Variants in MINAR1 observed in about 807,000 individuals in gnomAD.
The protein encoded by MINAR1 is membrane integral NOTCH2 associated receptor 1, also known as major intrinsically disordered Notch2-binding receptor 1.
MINAR1 carries 40 observed loss-of-function variants against 65.1 expected under a neutral mutation model. The ratio of observed to expected loss-of-function variants is 0.61; its 90% CI spans 0.48 to 0.80. The LOEUF (loss-of-function observed/expected upper bound fraction) is 0.80, where lower values mean the gene tolerates loss of function less well. Ranked by LOEUF, MINAR1 falls within the 30% of genes least tolerant of loss-of-function variation. MINAR1 has a pLI of 0.00. For synonymous variants in MINAR1, 482 were observed against 449.1 expected (o/e 1.07, Z -0.93); for missense variants, 1,128 against 1,148.0 (o/e 0.98, Z 0.25).
chr15:79,433,754 T>A (rs943463164), intron 1 of MINAR1, among the ~76,000 whole-genome samples: 7 of 152,306 alleles, frequency 4.6e-5, no homozygotes, highest in Admixed American at 4.6e-4. Flanking sequence ...CCCTTCCTTG[T>A]CATTTCTCAG....
chr15:79,419,289 A>G, the MINAR1 span: 1 of 152,238 alleles, frequency 6.6e-6, no homozygotes, highest in Non-Finnish European at 1.5e-5. Flanking sequence ...GCCCTGGAAT[A>G]GTTTCTGGTG....
the MINAR1 span, chr15:79,411,812 C>G: frequency 6.6e-6 from 2 of 303,012 alleles, no homozygotes; most frequent in African/African-American, 4.2e-5. Flanking sequence ...GGTGTGGGAG[C>G]ATTTGCAATA....
intron 1 of MINAR1, among the ~76,000 whole-genome samples, chr15:79,445,225 T>G (rs1419091045): frequency 6.6e-6 from 1 of 152,124 alleles, no homozygotes; most frequent in Non-Finnish European, 1.5e-5. Flanking sequence ...GAGTGCTTAT[T>G]GTATGCAAGG....
the MINAR1 span, chr15:79,417,406 A>G: frequency 6.6e-6 from 1 of 152,224 alleles, no homozygotes; most frequent in Non-Finnish European, 1.5e-5. Flanking sequence ...GAAATCATCT[A>G]TGGCACTTGT....
At chr15:79,433,790 G>T (rs1227478186) in intron 1 of MINAR1, among the ~76,000 whole-genome samples, 1 of 152,222 alleles carries the variant, frequency 6.6e-6, no homozygotes, top group Non-Finnish European at 1.5e-5. Flanking sequence ...GGCCCGCCCT[G>T]CAGGTGGAAG....
chr15:79,416,335 C>T, the MINAR1 span: 2 of 152,182 alleles, frequency 1.3e-5, no homozygotes, highest in Non-Finnish European at 2.9e-5. Context: ...AAATTTCTTG[C>T]CTGGCACATC....
rs757401665 is a variant in MINAR1, at chr15:79,458,142, C to T, written c.1995C>T (p.His665=). 2.2e-5 allele frequency: 36 copies of T among 1,614,056 alleles called. No homozygotes were observed. The highest frequency in any genetic ancestry group is 2.7e-5 in the African/African-American group (2 of 74,928). The change falls in exon 2 of 4, where the codon CAC becomes CAT. Residue 665 remains histidine (H), a synonymous_variant. Coordinates refer to ENST00000305428, the MANE Select transcript of MINAR1 (RefSeq NM_015206.3). ...SDDSASPRMF[H]AHSGSHGPKL... is the part of the protein sequence containing the mutation. ...ACAGTGCCTCTCCCCGGATGTTCCA[C>T]GCACACAGTGGCTCCCACGGACCCA... is the stretch of plus-strand genomic sequence containing the variant.
In MINAR1 at chr15:79,457,774, A is replaced by G. The variant is rs1203747802; in HGVS notation, c.1627A>G (p.Asn543Asp). 2.5e-6 allele frequency: 4 copies of G among 1,614,072 alleles called. No homozygotes were observed. Among genetic ancestry groups the G allele is most frequent in the Non-Finnish European group, 3.4e-6 (4 of 1,180,028 alleles). Residue 543 changes from asparagine to aspartate, a missense_variant, in exon 2 of 4, where the codon AAC becomes GAC. Asn to Asp is a conservative substitution (Grantham distance 23). Coordinates refer to ENST00000305428, the MANE Select transcript of MINAR1 (RefSeq NM_015206.3). The part of the protein sequence containing the change: ...STGVIQSSCY[N>D]STGSLSQLHK... ...GGGAGTGATACAGTCGTCCTGCTAC[A>G]ACAGCACAGGATCCTTGTCTCAGCT...
chr15:79,431,811 C>G (rs1284050190), upstream of MINAR1, among the ~76,000 whole-genome samples: 1 of 152,222 alleles, frequency 6.6e-6, no homozygotes, highest in Non-Finnish European at 1.5e-5. Flanking sequence ...GCGCAGCTTC[C>G]GCTCGCTTTC....
chr15:79,440,658 T>TC (rs1217033606), intron 1 of MINAR1, among the ~76,000 whole-genome samples: 1 of 151,952 alleles, frequency 6.6e-6, no homozygotes, highest in Non-Finnish European at 1.5e-5. Flanking sequence ...GCCTTCCCCT[T>TC]CCCCCGCTCC....
intron 1 of MINAR1, among the ~76,000 whole-genome samples, chr15:79,436,348 C>T (rs991773591): frequency 2.0e-5 from 3 of 152,180 alleles, no homozygotes; most frequent in Non-Finnish European, 2.9e-5. Context: ...ATGAGCACCA[C>T]ATCGTGGCAT....
chr15:79,442,777 A>AT (rs150634093), intron 1 of MINAR1, among the ~76,000 whole-genome samples: 16,411 of 151,984 alleles, frequency 0.11, 2,610 homozygotes, highest in African/African-American at 0.35. Context: ...TTTTTACCTT[A>AT]TTTAAAATTA....
chr15:79,456,738 C>T lies in MINAR1; in HGVS notation c.591C>T (p.Ala197=), dbSNP rs1567057708. The T allele has an allele frequency of 3.1e-6, 5 of 1,614,114 alleles. No homozygotes were observed. Among genetic ancestry groups the T allele is most frequent in the Non-Finnish European group, 3.4e-6 (4 of 1,180,028 alleles). The part of the protein sequence containing the change: ...NRAASLDRLQ[A]LAPYSVTSPQ... ...CCGCTTCCCTGGACAGGTTGCAGGC[C>T]CTGGCTCCGTACTCTGTGACCAGCC... Residue 197 remains alanine (A), a synonymous_variant, in exon 2 of 4, where the codon GCC becomes GCT. Coordinates refer to ENST00000305428, the MANE Select transcript of MINAR1 (RefSeq NM_015206.3).
At chr15:79,462,033 T>C (rs930855091) in intron 2 of MINAR1, among the ~76,000 whole-genome samples, 1 of 152,246 alleles carries the variant, frequency 6.6e-6, no homozygotes, top group African/African-American at 2.4e-5. Context: ...CATTCTTCTT[T>C]TTTCCTTTTT....
rs1567057410 is a variant in MINAR1 at position 79,456,509 on chromosome 15, C to T, written c.362C>T (p.Ser121Leu). Reference protein sequence around the residue: ...KVRKKEASFESCRSDTEICNA... With the variant: ...KVRKKEASFELCRSDTEICNA... ...CGCAAGAAGGAGGCATCCTTTGAAT[C>T]ATGTAGGTCGGACACAGAGATCTGC... Residue 121 changes from serine (S) to leucine (L), a missense_variant, in exon 2 of 4, where the codon TCA (serine) becomes TTA (leucine). Ser to Leu is a moderately radical substitution (Grantham distance 145). Transcript: ENST00000305428. The T allele has an allele frequency of 6.2e-7, 1 of 1,614,028 alleles. No homozygotes were observed. Among genetic ancestry groups the T allele is most frequent in the Non-Finnish European group, 8.5e-7 (1 of 1,180,036 alleles).
At chr15:79,444,076 T>TA (rs1312389732) in intron 1 of MINAR1, among the ~76,000 whole-genome samples, 2 of 152,218 alleles carry the variant, frequency 1.3e-5, no homozygotes, top group African/African-American at 4.8e-5. Flanking sequence ...GCTCTAGACT[T>TA]AGAGTGTATA....
the MINAR1 span, chr15:79,420,777 G>A: frequency 6.6e-6 from 1 of 152,252 alleles, no homozygotes; most frequent in Non-Finnish European, 1.5e-5. Flanking sequence ...TGTGGTCACT[G>A]TTTCTTTTGG....
At chr15:79,421,771 C>T in the MINAR1 span, 4 of 152,216 alleles carry the variant, frequency 2.6e-5, no homozygotes, top group Non-Finnish European at 4.4e-5. Flanking sequence ...GGACACCTGC[C>T]CACCTGCCTG....
the MINAR1 span, chr15:79,418,686 G>C: frequency 3.3e-5 from 5 of 152,422 alleles, no homozygotes; most frequent in Non-Finnish European, 7.3e-5. Context: ...TTGTCAAAAG[G>C]TGGCAAAAGC....
Sources: allele counts gnomAD v4.1 joint callset (sites outside exome capture counted in the v4.1 genomes callset), GRCh38; gene constraint gnomAD v4.1.1; transcripts MANE v1.5; gene names NCBI Gene and HGNC (gene_info 2026-07-23, HGNC 2026-07-21).